NALF1: variants seen among roughly 807,000 people sequenced by gnomAD.
The protein encoded by NALF1 is family with sequence similarity 155 member A.
In NALF1, 3 loss-of-function variants were observed where a neutral mutation model predicts 48.4. The observed-to-expected ratio is 0.06, with a 90% confidence interval of 0.03 to 0.16. NALF1 has a LOEUF of 0.16. Among genes scored for constraint, NALF1 ranks in the 10% least tolerant of loss-of-function variants. The probability of loss-of-function intolerance (pLI) is 1.00; values close to 1 mark genes in which losing one functional copy is unlikely to be tolerated. For missense variants in NALF1, 526 were observed against 571.5 expected, an observed-to-expected ratio of 0.92 and a Z score of 0.81; for synonymous variants, 262 against 245.7, an observed-to-expected ratio of 1.07 and a Z score of -0.62.
intron 2 of NALF1, among the ~76,000 whole-genome samples, chr13:107,181,256 C>T (rs1029797305): frequency 6.6e-6 from 1 of 151,360 alleles, no homozygotes; most frequent in African/African-American, 2.4e-5. Flanking sequence ...TTACTATTCT[C>T]TTTGTAACAA....
chr13:107,519,011 C>CA (rs781213725), intron 1 of NALF1, among the ~76,000 whole-genome samples: 2 of 152,202 alleles, frequency 1.3e-5, no homozygotes, highest in African/African-American at 2.4e-5. Flanking sequence ...GCGCAACACT[C>CA]AGAGGATGTG....
At chr13:107,793,038 T>G (rs1399922584) in intron 1 of NALF1, among the ~76,000 whole-genome samples, 1 of 152,188 alleles carries the variant, frequency 6.6e-6, no homozygotes, top group East Asian at 1.9e-4. Context: ...TCAGTGAGAT[T>G]TGTAAATACA....
At chr13:107,184,620 T>G (rs1348931650) in intron 2 of NALF1, among the ~76,000 whole-genome samples, 1 of 152,198 alleles carries the variant, frequency 6.6e-6, no homozygotes, top group Admixed American at 6.5e-5. Context: ...CTAAATTCAT[T>G]TTCATGTTTT....
chr13:107,271,814 A>ATATT (rs1555329806), intron 1 of NALF1, among the ~76,000 whole-genome samples: 2,670 of 101,806 alleles, frequency 0.026, 98 homozygotes, highest in East Asian at 0.11. Flanking sequence ...ATATATATAT[A>ATATT]TATTTATATA....
At chr13:107,633,103 T>C (rs922203694) in intron 1 of NALF1, among the ~76,000 whole-genome samples, 11 of 152,124 alleles carry the variant, frequency 7.2e-5, no homozygotes, top group African/African-American at 1.2e-4. Flanking sequence ...AAACAGTCTT[T>C]GTTTATAAGA....
chr13:107,551,594 T>C (rs1388313918), intron 1 of NALF1, among the ~76,000 whole-genome samples: 1 of 152,142 alleles, frequency 6.6e-6, no homozygotes, highest in Non-Finnish European at 1.5e-5. Context: ...TATTATTTTT[T>C]CAACTGTCAA....
chr13:107,830,108 G>T (rs1001401784), intron 1 of NALF1, among the ~76,000 whole-genome samples: 1 of 152,036 alleles, frequency 6.6e-6, no homozygotes, highest in African/African-American at 2.4e-5. Context: ...AGAACAATTC[G>T]GCCCAGCTGT....
intron 1 of NALF1, among the ~76,000 whole-genome samples, chr13:107,630,822 C>A (rs1408702383): frequency 6.6e-6 from 1 of 152,120 alleles, no homozygotes; most frequent in East Asian, 1.9e-4. Context: ...AGTTGTTAAG[C>A]AGAAACGTTG....
intron 2 of NALF1, among the ~76,000 whole-genome samples, chr13:107,179,427 G>C (rs1236060712): frequency 1.3e-5 from 2 of 152,054 alleles, no homozygotes; most frequent in Non-Finnish European, 2.9e-5. Context: ...TAGTTAGATA[G>C]AATGAGTATG....
At chr13:107,320,101 G>A (rs1882225081) in intron 1 of NALF1, among the ~76,000 whole-genome samples, 3 of 152,038 alleles carry the variant, frequency 2.0e-5, no homozygotes, top group Admixed American at 2.0e-4. Context: ...TTCTAGAAAA[G>A]GTAAGCTCCA....
chr13:107,292,791 T>C (rs1350337392), intron 1 of NALF1, among the ~76,000 whole-genome samples: 1 of 152,192 alleles, frequency 6.6e-6, no homozygotes. Context: ...TTTAAACCAG[T>C]AACAATTATA....
At chr13:107,427,667 C>T (rs1339028460) in intron 1 of NALF1, among the ~76,000 whole-genome samples, 1 of 152,110 alleles carries the variant, frequency 6.6e-6, no homozygotes, top group Admixed American at 6.5e-5. Flanking sequence ...AAACAAAAAG[C>T]TTGCATTGTG....
chr13:107,739,611 T>C lies in NALF1; in HGVS notation c.915+126071A>G, dbSNP rs141370576. Among the ~76,000 whole-genome samples the C allele has an allele frequency of 3.3e-3, 508 of 152,060 alleles. 2 individuals are homozygous for C. In the Middle Eastern group the frequency reaches 0.034, roughly 10 times the overall value. On this transcript the variant is annotated intron_variant, in intron 1 of 2. Coordinates refer to ENST00000375915, the MANE Select transcript of NALF1 (RefSeq NM_001080396.3). ...TGGACAAATACACGGACTAATGCCA[T>C]CCCGAACATACAAAGTATAATAGCA... is the stretch of plus-strand genomic sequence containing the variant.
At chr13:107,338,607 T>C (rs1882605378) in intron 1 of NALF1, among the ~76,000 whole-genome samples, 1 of 152,154 alleles carries the variant, frequency 6.6e-6, no homozygotes, top group African/African-American at 2.4e-5. Context: ...AGACAATAAT[T>C]GACCAGCCTC....
At chr13:107,761,284 G>C (rs909075922) in intron 1 of NALF1, among the ~76,000 whole-genome samples, 31 of 151,988 alleles carry the variant, frequency 2.0e-4, no homozygotes, top group African/African-American at 7.5e-4. Context: ...GTGAACGCAG[G>C]AGACAGAGCT....
chr13:107,711,497 G>A (rs1195249131), intron 1 of NALF1, among the ~76,000 whole-genome samples: 4 of 152,124 alleles, frequency 2.6e-5, no homozygotes, highest in African/African-American at 9.7e-5. Context: ...CACCACGCCC[G>A]GCTAATTTTT....
intron 1 of NALF1, among the ~76,000 whole-genome samples, chr13:107,270,694 A>G (rs12020026): frequency 0.21 from 31,466 of 151,770 alleles, 4,168 homozygotes; most frequent in Non-Finnish European, 0.29. Context: ...TTTAAGTTTT[A>G]GGGTCCATGT....
chr13:107,193,004 T>C (rs1879314195), intron 2 of NALF1, among the ~76,000 whole-genome samples: 1 of 150,544 alleles, frequency 6.6e-6, no homozygotes, highest in Non-Finnish European at 1.5e-5. Context: ...AATCCTATAA[T>C]TAGTAAAACA....
chr13:107,273,848 C>T (rs1881224075), intron 1 of NALF1, among the ~76,000 whole-genome samples: 1 of 152,104 alleles, frequency 6.6e-6, no homozygotes, highest in East Asian at 1.9e-4. Context: ...ATCTTCCAAC[C>T]TCCCAGGGTC....
Sources: allele counts gnomAD v4.1 joint callset (sites outside exome capture counted in the v4.1 genomes callset), GRCh38; gene constraint gnomAD v4.1.1; transcripts MANE v1.5; gene names NCBI Gene and HGNC (gene_info 2026-07-23, HGNC 2026-07-21).